The following HTT variants were observed in gnomAD, a reference collection of about 807,000 sequenced individuals.
HTT encodes the protein huntingtin.
In HTT, 104 loss-of-function variants were observed where a neutral mutation model predicts 362.3. The observed-to-expected ratio is 0.29, with a 90% CI of 0.24 to 0.34. The LOEUF is 0.34. HTT is among the 10% of genes least tolerant of loss of function. The pLI, the probability that HTT is intolerant of heterozygous loss-of-function variation, is 1.00. For synonymous variants in HTT, 1,577 were observed against 1,548.7 expected, an observed-to-expected ratio of 1.02 and a Z score of -0.43; for missense variants, 3,301 against 3,928.6, an observed-to-expected ratio of 0.84 and a Z score of 4.27.
intron 33 of HTT, among the ~76,000 whole-genome samples, chr4:3,176,113 C>T (rs1325587782): frequency 1.3e-5 from 2 of 151,286 alleles, no homozygotes; most frequent in Admixed American, 6.6e-5. Context: ...CTGCCAGCTC[C>T]GCCTCAGAGG....
At chr4:3,173,398 G>A (rs970981502) in intron 31 of HTT, among the ~76,000 whole-genome samples, 1 of 152,118 alleles carries the variant, frequency 6.6e-6, no homozygotes, top group Non-Finnish European at 1.5e-5. Flanking sequence ...AACACTGAGT[G>A]GGCTGAGAAG....
chr4:3,220,048 A>G (rs1720602552), intron 52 of HTT, 134 bp from the exon 53 acceptor site: 1 of 907,360 alleles, frequency 1.1e-6, no homozygotes, highest in Non-Finnish European at 1.7e-6. Flanking sequence ...TCTGGGGGAG[A>G]AGGTGCCAGC....
At chr4:3,125,006 T>C (rs1034500685) in intron 10 of HTT, among the ~76,000 whole-genome samples, 5 of 152,202 alleles carry the variant, frequency 3.3e-5, no homozygotes, top group African/African-American at 2.4e-5. Context: ...TAAAATGTAT[T>C]TTTAGAACTT....
chr4:3,224,535 C>T (rs1323969083), intron 56 of HTT, among the ~76,000 whole-genome samples: 2 of 152,208 alleles, frequency 1.3e-5, no homozygotes, highest in African/African-American at 2.4e-5. Flanking sequence ...GAGCACCCCG[C>T]TCCCTGCACC....
intron 1 of HTT, among the ~76,000 whole-genome samples, chr4:3,077,536 C>T (rs572826167): frequency 3.3e-5 from 5 of 152,294 alleles, no homozygotes; most frequent in Non-Finnish European, 7.4e-5. Flanking sequence ...TCTCCTGCCT[C>T]AGCCTTCTGA....
Position 3,074,921 on chromosome 4 carries a change from G to GCAA in HTT, c.98_99insACA (p.Gln38dup), listed in dbSNP as rs1491054491. ...AGCAGCAGCAGCAGCAGCAGCAGCA[G>GCAA]CAGCAGCAGCAGCAACAGCCGCCAC... On this transcript the variant is annotated inframe_insertion, in exon 1 of 67. Coordinates refer to ENST00000355072, the MANE Select transcript of HTT (RefSeq NM_001388492.1). 3 of 1,459,082 alleles carry GCAA rather than the reference G, an allele frequency of 2.1e-6. No individual in the cohort carries two copies. Among genetic ancestry groups the GCAA allele is most frequent in the African/African-American group, 1.6e-5 (1 of 64,360 alleles). The allele number at this position is 1,459,082 out of a possible 1,614,324, so 90.4% of individuals were successfully genotyped here.
At chr4:3,181,235 C>T (rs1453480195) in intron 36 of HTT, among the ~76,000 whole-genome samples, 1 of 152,116 alleles carries the variant, frequency 6.6e-6, no homozygotes, top group Non-Finnish European at 1.5e-5. Context: ...GACTCCTGGT[C>T]TGAGAGTCAC....
In HTT at chr4:3,187,906, C is replaced by G. The variant is rs762697375; in HGVS notation, c.5225+20C>G. 1 of 1,450,306 alleles carries G rather than the reference C, an allele frequency of 6.9e-7. No individual in the cohort carries two copies. Among genetic ancestry groups the G allele is most frequent in the African/African-American group, 1.4e-5 (1 of 70,718 alleles). 89.8% of individuals were successfully genotyped at this position (1,450,306 alleles called of 1,614,324 possible). A position where few individuals can be genotyped will look rare whatever the true frequency, so the allele number is the denominator to read the frequency against. On this transcript the variant is annotated intron_variant, in intron 39 of 66. Coordinates refer to ENST00000355072, the MANE Select transcript of HTT (RefSeq NM_001388492.1). ...TTCAAGGTATGCTTTCTATCTGAGC[C>G]TATAACTAACCCATGCCTTTTGGGA...
chr4:3,138,185 G>A (rs1000272117), intron 21 of HTT, among the ~76,000 whole-genome samples: 2 of 108,924 alleles, frequency 1.8e-5, no homozygotes, highest in Non-Finnish European at 3.4e-5. Flanking sequence ...CTTCCCGCCT[G>A]CCTGCCTGCC....
At chr4:3,137,430 C>T (rs554745426) in intron 21 of HTT, among the ~76,000 whole-genome samples, 43 of 151,994 alleles carry the variant, frequency 2.8e-4, no homozygotes, top group African/African-American at 8.4e-4. Flanking sequence ...TTTCGCCAGG[C>T]GCTCATGCCT....
intron 19 of HTT, among the ~76,000 whole-genome samples, chr4:3,135,140 T>C (rs1267977485): frequency 6.6e-6 from 1 of 152,072 alleles, no homozygotes; most frequent in Non-Finnish European, 1.5e-5. Flanking sequence ...TCTTAAACTT[T>C]TAAAAAAATG....
At position 3,140,545 on chromosome 4, in the gene HTT, G is replaced by A; in HGVS notation, c.2834G>A (p.Gly945Glu). ...AAGCTGTTTTATAAATGTGACCAAG[G>A]ACAAGCTGATCCAGTAGTGGCCGTG... ...VPKLFYKCDQGQADPVVAVAR... is the reference protein window; with the variant it reads ...VPKLFYKCDQEQADPVVAVAR... The change falls in exon 22 of 67, where the codon GGA becomes GAA. Residue 945 changes from glycine (G) to glutamate (E), a missense_variant. Physicochemically the swap from Gly to Glu is moderately conservative, Grantham distance 98 (BLOSUM62 -2). This residue lies in a region of HTT where 2,316 missense variants were observed against 2,658.5 expected (regional missense o/e 0.87). Transcript: ENST00000355072. 1 of 1,614,132 alleles carries A rather than the reference G, an allele frequency of 6.2e-7. No homozygotes were observed. Among genetic ancestry groups the A allele is most frequent in the East Asian group, 2.2e-5 (1 of 44,886 alleles).
chr4:3,176,290 G>A (rs1442514701), intron 33 of HTT, among the ~76,000 whole-genome samples: 19 of 152,202 alleles, frequency 1.2e-4, no homozygotes, highest in Non-Finnish European at 2.9e-5. Context: ...GCCTCCCAAA[G>A]TGCTGGGATG....
chr4:3,092,127 A>T (rs1295835731), intron 2 of HTT, among the ~76,000 whole-genome samples: 1 of 152,070 alleles, frequency 6.6e-6, no homozygotes, highest in Non-Finnish European at 1.5e-5. Flanking sequence ...GGTTCATGTG[A>T]TTCTCCTGCC....
At chr4:3,204,944 C>G (rs1719783881) in intron 42 of HTT, among the ~76,000 whole-genome samples, 1 of 152,224 alleles carries the variant, frequency 6.6e-6, no homozygotes, top group Non-Finnish European at 1.5e-5. Context: ...GACTGTGTCA[C>G]TGCACTCCGG....
intron 6 of HTT, among the ~76,000 whole-genome samples, chr4:3,109,510 C>T (rs925124305): frequency 1.1e-4 from 17 of 152,194 alleles, no homozygotes; most frequent in African/African-American, 4.1e-4. Flanking sequence ...CAGGCGTGAG[C>T]CACTGCGCCC....
chr4:3,152,384 T>C (rs60197694), intron 26 of HTT, among the ~76,000 whole-genome samples: 36,882 of 151,416 alleles, frequency 0.24, 5,749 homozygotes, highest in East Asian at 0.4. Flanking sequence ...AGGCGTGAGC[T>C]ACCGCTCCCA....
chr4:3,239,641 G>T (rs1174072631), intron 66 of HTT, among the ~76,000 whole-genome samples: 1 of 152,202 alleles, frequency 6.6e-6, no homozygotes, highest in East Asian at 1.9e-4. Context: ...TGCCTGCAGG[G>T]CATCCAGCCA....
intron 29 of HTT, among the ~76,000 whole-genome samples, chr4:3,168,738 CG>C (rs1445315204): frequency 1.3e-5 from 2 of 152,014 alleles, no homozygotes; most frequent in African/African-American, 4.8e-5. Context: ...AATAGTTGGC[CG>C]CAGTGGCATG....
Sources: gnomAD v4.1 joint callset for allele counts (sites outside exome capture counted in the v4.1 genomes callset) on GRCh38, gnomAD v4.1.1 for gene constraint, gnomAD v4.1.1 regional missense constraint, MANE v1.5 for transcripts, NCBI Gene and HGNC (gene_info 2026-07-23, HGNC 2026-07-21) for gene names.